ARSB: variants seen among roughly 807,000 people sequenced by gnomAD.
ARSB encodes the protein N-acetylgalactosamine-4-sulfatase.
Under a neutral mutation model 50.9 loss-of-function variants are expected in ARSB, and 41 were observed. That is an observed-to-expected ratio of 0.81 (90% CI 0.63 to 1.04). The LOEUF (loss-of-function observed/expected upper bound fraction) is 1.04. ARSB is among the 50% of genes least tolerant of loss of function. The probability of loss-of-function intolerance (pLI) is 0.00; values close to 1 mark genes in which losing one functional copy is unlikely to be tolerated. For missense variants in ARSB, 672 were observed against 693.3 expected (o/e 0.97, Z 0.35); for synonymous variants, 269 against 284.8 (o/e 0.94, Z 0.56).
chr5:78,846,668 C>G (rs939838029), intron 5 of ARSB, among the ~76,000 whole-genome samples: 1 of 152,144 alleles, frequency 6.6e-6, no homozygotes, highest in South Asian at 2.1e-4. Context: ...TTAGGGTTTT[C>G]TGTATATATG....
chr5:78,786,135 T>C (rs527992805), intron 6 of ARSB, among the ~76,000 whole-genome samples: 10 of 152,308 alleles, frequency 6.6e-5, no homozygotes, highest in African/African-American at 2.2e-4. Context: ...CCCTGCACCA[T>C]TGGCAGTTAA....
chr5:78,800,686 GA>G (rs778977864), intron 6 of ARSB, among the ~76,000 whole-genome samples: 15 of 152,132 alleles, frequency 9.9e-5, no homozygotes, highest in Non-Finnish European at 2.1e-4. Context: ...AAGAAGCTTA[GA>G]ATGAATTGGG....
intron 6 of ARSB, among the ~76,000 whole-genome samples, chr5:78,799,665 G>A (rs1162973661): frequency 2.0e-5 from 3 of 152,240 alleles, no homozygotes; most frequent in Non-Finnish European, 4.4e-5. Flanking sequence ...AAACAAGAAT[G>A]TTTAGAATCA....
intron 5 of ARSB, among the ~76,000 whole-genome samples, chr5:78,858,407 G>A (rs1284191496): frequency 6.6e-6 from 1 of 152,134 alleles, no homozygotes; most frequent in African/African-American, 2.4e-5. Flanking sequence ...GACAGCCACT[G>A]ACCAGTGACC....
intron 6 of ARSB, among the ~76,000 whole-genome samples, chr5:78,831,509 A>G (rs1407781235): frequency 6.6e-6 from 1 of 152,172 alleles, no homozygotes; most frequent in Admixed American, 6.5e-5. Flanking sequence ...GTCATGTCCC[A>G]TCAACATGCT....
intron 4 of ARSB, among the ~76,000 whole-genome samples, chr5:78,949,440 T>C (rs1243397953): frequency 6.6e-6 from 1 of 152,158 alleles, no homozygotes; most frequent in Non-Finnish European, 1.5e-5. Context: ...TGCTCTGTGA[T>C]TAGTTAGTCC....
Position 78,985,268 on chromosome 5 carries a change from C to T in ARSB, c.-20G>A. The T allele has an allele frequency of 7.7e-7, 1 of 1,293,976 alleles. No individual in the cohort carries two copies. Among genetic ancestry groups the T allele is most frequent in the Non-Finnish European group, 9.8e-7 (1 of 1,025,602 alleles). 80.2% of individuals were successfully genotyped at this position (1,293,976 alleles called of 1,614,324 possible). ...ACCCATCCTTGTCCGCCCGCGGTCC[C>T]AGCGCCTGTGGCGCCACCAGCCCCT... On this transcript the variant is annotated 5_prime_UTR_variant, in exon 1 of 8. Transcript: ENST00000264914.
intron 4 of ARSB, among the ~76,000 whole-genome samples, chr5:78,952,727 G>T (rs1045401540): frequency 1.3e-5 from 2 of 152,130 alleles, no homozygotes; most frequent in African/African-American, 2.4e-5. Context: ...ACTTCTGTCT[G>T]AGCACATTTA....
rs1241530316 is a variant in ARSB, at chr5:78,969,775, C to T, written c.313-583G>A. Among the ~76,000 whole-genome samples, 8 of 152,118 alleles carry T rather than the reference C, an allele frequency of 5.3e-5. No homozygotes were observed. In the South Asian group the frequency reaches 1.2e-3, roughly 24 times the overall value. The stretch of plus-strand genomic sequence containing the variant: ...GGGATTACAGGCGCCCACCACCATA[C>T]CTAACTAATTTATTTGTATTTTTAG... On this transcript the variant is annotated intron_variant, in intron 1 of 7. Coordinates refer to ENST00000264914, the MANE Select transcript of ARSB (RefSeq NM_000046.5).
chr5:78,968,429 G>A (rs996449582), intron 2 of ARSB, among the ~76,000 whole-genome samples: 4 of 151,292 alleles, frequency 2.6e-5, no homozygotes, highest in Non-Finnish European at 5.9e-5. Flanking sequence ...CTCACTGCAA[G>A]CTCCACCTCC....
At chr5:78,788,699 C>A (rs758433741) in intron 6 of ARSB, among the ~76,000 whole-genome samples, 1 of 152,178 alleles carries the variant, frequency 6.6e-6, no homozygotes, top group Non-Finnish European at 1.5e-5. Context: ...CTTCTTGGCT[C>A]AAATGATCCT....
chr5:78,918,125 A>C (rs1580058578), intron 4 of ARSB, among the ~76,000 whole-genome samples: 1 of 152,362 alleles, frequency 6.6e-6, no homozygotes, highest in Non-Finnish European at 1.5e-5. Context: ...ATTGTCTTCT[A>C]AATACAGCAA....
At chr5:78,933,115 G>A (rs1456950209) in intron 4 of ARSB, among the ~76,000 whole-genome samples, 4 of 152,132 alleles carry the variant, frequency 2.6e-5, no homozygotes, top group Non-Finnish European at 5.9e-5. Flanking sequence ...TTATATGTGC[G>A]TAAACACAGA....
rs370049316 is a variant in ARSB at position 78,790,393 on chromosome 5, A to G, written c.1214-8419T>C. On this transcript the variant is annotated intron_variant, in intron 6 of 7. Transcript: ENST00000264914. ...ATTAAAAATGTCTAGTACTAAGTACAGCATATAGAAAGTGCGCAGTTATTA... is the reference window on the plus strand; with the variant it reads ...ATTAAAAATGTCTAGTACTAAGTACGGCATATAGAAAGTGCGCAGTTATTA... 8.2e-4 allele frequency among the ~76,000 whole-genome samples: 125 copies of G among 152,324 alleles called. 1 individual carries two copies. Among genetic ancestry groups the G allele is most frequent in the African/African-American group, 2.9e-3 (122 of 41,568 alleles).
chr5:78,977,281 G>A (rs1407346346), intron 1 of ARSB, among the ~76,000 whole-genome samples: 2 of 151,910 alleles, frequency 1.3e-5, no homozygotes, highest in Non-Finnish European at 1.5e-5. Context: ...AGCCTCATGA[G>A]TAGCTGGGAT....
chr5:78,819,578 A>C (rs1304770112), intron 6 of ARSB, among the ~76,000 whole-genome samples: 3 of 152,240 alleles, frequency 2.0e-5, no homozygotes, highest in Non-Finnish European at 4.4e-5. Flanking sequence ...CACTCAGCAC[A>C]CTTCAAATGT....
chr5:78,850,432 T>C (rs373257982), intron 5 of ARSB, among the ~76,000 whole-genome samples: 6 of 152,064 alleles, frequency 3.9e-5, no homozygotes, highest in Admixed American at 3.9e-4. Flanking sequence ...GTGGATAAGC[T>C]TTTTGATGTG....
intron 1 of ARSB, among the ~76,000 whole-genome samples, chr5:78,983,464 TCTTA>T (rs1561541345): frequency 6.6e-6 from 1 of 152,220 alleles, no homozygotes; most frequent in African/African-American, 2.4e-5. Context: ...AGTTCAGTTC[TCTTA>T]CTTCAAAGCA....
In ARSB at chr5:78,982,682, G is replaced by T. The variant is rs117373479; in HGVS notation, c.312+2255C>A. Reference sequence around the variant, plus strand: ...GTGAGAATCAAATGAGTTAACACTTGTAAGTGCTCAGAACAATACCAGCAT... The same window carrying T: ...GTGAGAATCAAATGAGTTAACACTTTTAAGTGCTCAGAACAATACCAGCAT... On this transcript the variant is annotated intron_variant, in intron 1 of 7. Transcript: ENST00000264914. 0.01 allele frequency among the ~76,000 whole-genome samples: 1,579 copies of T among 152,314 alleles called. 52 individuals are homozygous for T. The East Asian group carries it at 0.12, about 12-fold the overall frequency.
Sources: gnomAD v4.1 joint callset for allele counts (sites outside exome capture counted in the v4.1 genomes callset) on GRCh38, gnomAD v4.1.1 for gene constraint, MANE v1.5 for transcripts, NCBI Gene and HGNC (gene_info 2026-07-23, HGNC 2026-07-21) for gene names.